Variants in DNAH7 observed in about 807,000 individuals in gnomAD.
The protein encoded by DNAH7 is dynein axonemal heavy chain 7, also known as axonemal beta dynein heavy chain 7.
DNAH7 carries 397 observed loss-of-function variants against 444.6 expected under a neutral mutation model. That is an observed-to-expected ratio of 0.89 (90% CI 0.82 to 0.97). The LOEUF is 0.97. DNAH7 is among the 50% of genes least tolerant of loss of function. The pLI, the probability that DNAH7 is intolerant of heterozygous loss-of-function variation, is 0.00. For missense variants in DNAH7, 4,902 were observed against 4,800.8 expected (o/e 1.02, Z -0.62); for synonymous variants, 1,636 against 1,624.4 (o/e 1.01, Z -0.17).
chr2:195,754,543 A>AGT lies in DNAH7; in HGVS notation c.11587-31_11587-30dup, dbSNP rs781755962. 1.1e-5 allele frequency: 17 copies of AGT among 1,593,976 alleles called. No homozygotes were observed. The African/African-American group carries it at 2.3e-4, about 22-fold the overall frequency. ...GGGTGTAAAACACAAGTGGGCTAAC[A>AGT]GTAGCACCTTTCAACCTTTTTTTCT... On this transcript the variant is annotated intron_variant, in intron 62 of 64. Coordinates refer to ENST00000312428, the MANE Select transcript of DNAH7 (RefSeq NM_018897.3).
intron 17 of DNAH7, among the ~76,000 whole-genome samples, chr2:195,963,058 A>T (rs568598424): frequency 2.2e-4 from 34 of 152,356 alleles, no homozygotes; most frequent in African/African-American, 7.7e-4. Flanking sequence ...TATTGTGAAC[A>T]GTTCTGCAAC....
chr2:195,976,960 T>A (rs575160919), intron 15 of DNAH7, among the ~76,000 whole-genome samples: 1 of 152,110 alleles, frequency 6.6e-6, no homozygotes, highest in African/African-American at 2.4e-5. Context: ...ACAGAAGAAG[T>A]GACCAAAAAC....
chr2:196,012,050 AAAGC>A (rs1694755658), intron 10 of DNAH7, among the ~76,000 whole-genome samples: 1 of 152,180 alleles, frequency 6.6e-6, no homozygotes, highest in Non-Finnish European at 1.5e-5. Context: ...ATTGGAGAAG[AAAGC>A]AAGATAAAGG....
rs1692741632 is a variant in DNAH7, at chr2:195,737,971, C to A, written c.12025G>T (p.Glu4009Ter). 6.2e-7 allele frequency: 1 copy of A among 1,613,820 alleles called. No homozygotes were observed. The highest frequency in any genetic ancestry group is 1.3e-5 in the African/African-American group (1 of 74,922). ...GCTACACCTCGTCCAATCCAGTGTT[C>A]CTTGGGTTGGTCAGAGGGAAGAGTC... ...AMTLPSDQPK[E>*]HWIGRGVALL... The change falls in exon 65 of 65, where the codon GAA becomes TAA. Residue 4009 changes from glutamate (E) to a stop codon, truncating the protein, a stop_gained. Transcript: ENST00000312428. LOFTEE classifies it high-confidence loss of function.
Position 195,808,732 on chromosome 2 carries a change from T to C in DNAH7, c.10033A>G (p.Arg3345Gly), listed in dbSNP as rs138256384. 8.6e-4 allele frequency: 1,391 copies of C among 1,614,040 alleles called. No individual in the cohort carries two copies. Among genetic ancestry groups the C allele is most frequent in the Non-Finnish European group, 1.1e-3 (1,340 of 1,179,936 alleles). Reference sequence around the variant, plus strand: ...CCATCCTTTAAGCGCATAAACTCTCTACGAATGGTTTTGAAGGCAGGCAAA... The same window carrying C: ...CCATCCTTTAAGCGCATAAACTCTCCACGAATGGTTTTGAAGGCAGGCAAA... ...DDLPAFKTIR[R>G]EFMRLKDGWK... The change falls in exon 53 of 65, where the codon AGA (arginine) becomes GGA (glycine). Residue 3345 changes from arginine (R) to glycine (G), a missense_variant. Coordinates refer to ENST00000312428, the MANE Select transcript of DNAH7 (RefSeq NM_018897.3).
At chr2:195,778,669 T>TATACAC (rs1446625777) in intron 58 of DNAH7, among the ~76,000 whole-genome samples, 3 of 64,058 alleles carry the variant, frequency 4.7e-5, no homozygotes, top group African/African-American at 1.6e-4. Flanking sequence ...TATATATATA[T>TATACAC]ACACACACAC....
At chr2:195,889,080 T>G in intron 31 of DNAH7, 99 bp from the exon 32 acceptor site, 67 of 1,046,498 alleles carry the variant, frequency 6.4e-5, no homozygotes, top group Non-Finnish European at 8.7e-5. Flanking sequence ...ATATAAGTAC[T>G]AGGATTAATT....
At chr2:195,749,191 C>G (rs1456699974) in intron 63 of DNAH7, among the ~76,000 whole-genome samples, 1 of 152,198 alleles carries the variant, frequency 6.6e-6, no homozygotes, top group Non-Finnish European at 1.5e-5. Flanking sequence ...AAACACTTCT[C>G]AAAAGAAGAC....
At chr2:195,987,514 C>CA (rs34418634) in intron 13 of DNAH7, among the ~76,000 whole-genome samples, 5 of 150,632 alleles carry the variant, frequency 3.3e-5, no homozygotes, top group East Asian at 3.9e-4. Context: ...TTGCTCTGTA[C>CA]AAAAAAAATA....
rs149382924 is a variant in DNAH7, at chr2:195,777,044, C to T, written c.11064+756G>A. Among the ~76,000 whole-genome samples the T allele has an allele frequency of 2.4e-4, 36 of 152,282 alleles. No individual in the cohort carries two copies. The East Asian group carries it at 6.7e-3, about 29-fold the overall frequency. On this transcript the variant is annotated intron_variant, in intron 59 of 64. Coordinates refer to ENST00000312428, the MANE Select transcript of DNAH7 (RefSeq NM_018897.3). ...GGAGTGATTTTTCCCTTTATCTATA[C>T]CAACATCTGCCCTTGGCTAGCATTA...
rs536343588 is a variant in DNAH7 at position 195,771,684 on chromosome 2, G to A, written c.11409C>T (p.Cys3803=). The A allele has an allele frequency of 2.5e-5, 41 of 1,612,776 alleles. No homozygotes were observed. The East Asian group carries it at 3.6e-4, about 14-fold the overall frequency. ...NKLLKTIRDS[C]VNIQKAIKGL... ...CCTTGATTGCTTTTTGAATATTTAC[G>A]CACGAATCTCTTATGGTCTTCAGTA... is the stretch of plus-strand genomic sequence containing the variant. The change falls in exon 61 of 65, where the codon TGC becomes TGT. Residue 3803 remains cysteine (C), a synonymous_variant. Coordinates refer to ENST00000312428, the MANE Select transcript of DNAH7 (RefSeq NM_018897.3).
chr2:195,743,986 C>A (rs534550979), intron 63 of DNAH7, among the ~76,000 whole-genome samples: 2 of 152,342 alleles, frequency 1.3e-5, no homozygotes, highest in South Asian at 4.1e-4. Flanking sequence ...GGGCTCATCT[C>A]ACTAGGGAGT....
chr2:196,014,632 C>A (rs938022548), intron 9 of DNAH7, among the ~76,000 whole-genome samples: 3 of 152,136 alleles, frequency 2.0e-5, no homozygotes, highest in African/African-American at 7.2e-5. Flanking sequence ...ATACTCTGGA[C>A]TTAGCATCAA....
At chr2:195,831,487 T>C (rs1315624160) in intron 48 of DNAH7, among the ~76,000 whole-genome samples, 3 of 152,210 alleles carry the variant, frequency 2.0e-5, no homozygotes, top group African/African-American at 7.2e-5. Context: ...CATAACTCCT[T>C]AAATGGAAGA....
At chr2:195,882,366 AT>A (rs1302159507) in intron 35 of DNAH7, among the ~76,000 whole-genome samples, 2 of 152,170 alleles carry the variant, frequency 1.3e-5, no homozygotes, top group Non-Finnish European at 2.9e-5. Context: ...CCAATACAGA[AT>A]TTTTTCTCCC....
chr2:195,849,110 T>G (rs1699191980), intron 46 of DNAH7, among the ~76,000 whole-genome samples: 1 of 152,220 alleles, frequency 6.6e-6, no homozygotes, highest in Admixed American at 6.5e-5. Flanking sequence ...AGATTCATCT[T>G]TTTCATATTT....
At chr2:195,928,745 G>GAAAA (rs386392228) in intron 21 of DNAH7, among the ~76,000 whole-genome samples, 1 of 151,090 alleles carries the variant, frequency 6.6e-6, no homozygotes, top group Non-Finnish European at 1.5e-5. Flanking sequence ...ATATTTAACA[G>GAAAA]AAACATTAAG....
intron 63 of DNAH7, 113 bp downstream of exon 63, chr2:195,754,224 G>T: frequency 8.6e-7 from 1 of 1,159,470 alleles, no homozygotes; most frequent in South Asian, 1.9e-5. Flanking sequence ...GGCATTTAAG[G>T]TAAATTACAT....
At chr2:196,035,574 C>T (rs1339916126) in intron 5 of DNAH7, among the ~76,000 whole-genome samples, 2 of 152,094 alleles carry the variant, frequency 1.3e-5, no homozygotes, top group Non-Finnish European at 2.9e-5. Flanking sequence ...AAAGAAGGAC[C>T]AAAACAGCAA....
Sources: allele counts gnomAD v4.1 joint callset (sites outside exome capture counted in the v4.1 genomes callset), GRCh38; gene constraint gnomAD v4.1.1; transcripts MANE v1.5; gene names NCBI Gene and HGNC (gene_info 2026-07-23, HGNC 2026-07-21).